The following PCDHA8 variants were observed in gnomAD, a reference collection of about 807,000 sequenced individuals.
The protein encoded by PCDHA8 is protocadherin alpha-8.
In PCDHA8, 53 loss-of-function variants were observed where a neutral mutation model predicts 61.8. That is an observed-to-expected ratio of 0.86 (90% CI 0.69 to 1.08). PCDHA8 has a LOEUF of 1.08. PCDHA8 is among the 50% of genes least tolerant of loss of function. PCDHA8 has a pLI of 0.00. For synonymous variants in PCDHA8, 618 were observed against 556.6 expected (o/e 1.11, Z -1.55); for missense variants, 1,293 against 1,245.0 (o/e 1.04, Z -0.58).
rs1351628380 is a variant in PCDHA8, at chr5:140,928,607, G to A, written c.2395-50342G>A. ...TCTGTCCCAGTGGAAATTGTGCCCC[G>A]CTCTGCCAGGACTGGACACTTGGTC... On this transcript the variant is annotated intron_variant, in intron 1 of 3. Coordinates refer to ENST00000531613, the MANE Select transcript of PCDHA8 (RefSeq NM_018911.3). 3.1e-6 allele frequency: 5 copies of A among 1,614,068 alleles called. No homozygotes were observed. In the South Asian group the frequency reaches 3.3e-5, roughly 11 times the overall value.
At chr5:140,912,865 A>G (rs1554195582) in intron 1 of PCDHA8, among the ~76,000 whole-genome samples, 1 of 152,138 alleles carries the variant, frequency 6.6e-6, no homozygotes, top group East Asian at 1.9e-4. Flanking sequence ...GAAATGATAT[A>G]TGGTTTTTGG....
At chr5:140,911,158 G>A (rs1274383238) in intron 1 of PCDHA8, among the ~76,000 whole-genome samples, 1 of 152,162 alleles carries the variant, frequency 6.6e-6, no homozygotes, top group African/African-American at 2.4e-5. Context: ...TCAGACAAAT[G>A]TGGAAAGGCT....
At chr5:140,943,332 A>G (rs2093478817) in intron 1 of PCDHA8, among the ~76,000 whole-genome samples, 1 of 151,830 alleles carries the variant, frequency 6.6e-6, no homozygotes, top group Non-Finnish European at 1.5e-5. Flanking sequence ...TGTAGTATCC[A>G]TTGGACAGGA....
intron 1 of PCDHA8, chr5:140,855,863 C>T (rs1435848910): frequency 2.6e-6 from 2 of 763,574 alleles, no homozygotes; most frequent in East Asian, 2.7e-5. Context: ...ATGTCGCTGT[C>T]GTCCACAAAA....
chr5:140,925,427 G>A (rs1394500937), intron 1 of PCDHA8, among the ~76,000 whole-genome samples: 2 of 152,012 alleles, frequency 1.3e-5, no homozygotes, highest in Non-Finnish European at 2.9e-5. Context: ...CTGGTTGTAG[G>A]GTGTTAGGCA....
chr5:140,913,447 C>T (rs1445715185), intron 1 of PCDHA8, among the ~76,000 whole-genome samples: 5 of 152,022 alleles, frequency 3.3e-5, no homozygotes, highest in African/African-American at 9.7e-5. Context: ...TTTTCAGCTC[C>T]GATTTTATTT....
chr5:140,946,766 G>A (rs1554217856), intron 1 of PCDHA8, among the ~76,000 whole-genome samples: 1 of 151,394 alleles, frequency 6.6e-6, no homozygotes, highest in South Asian at 2.1e-4. Flanking sequence ...TCTCATTCAT[G>A]TGGAATGTAA....
At chr5:140,993,462 T>TCACACACACACACACA (rs3836747) in intron 3 of PCDHA8, among the ~76,000 whole-genome samples, 10 of 140,938 alleles carry the variant, frequency 7.1e-5, no homozygotes, top group African/African-American at 2.4e-4. Flanking sequence ...TCTTTCTTTC[T>TCACACACACACACACA]CACACACACA....
rs1012749061 is a variant in PCDHA8 at position 141,011,525 on chromosome 5, C to T, written c.*1588C>T. Reference sequence around the variant, plus strand: ...AAAAGTGGAGTAGTGTTTTTTTAACCATTGTTAATCAGCTTTTGTGTATGA... The same window carrying T: ...AAAAGTGGAGTAGTGTTTTTTTAACTATTGTTAATCAGCTTTTGTGTATGA... On this transcript the variant is annotated 3_prime_UTR_variant, in exon 4 of 4. Coordinates refer to ENST00000531613, the MANE Select transcript of PCDHA8 (RefSeq NM_018911.3). 11 of 153,568 alleles carry T rather than the reference C, an allele frequency of 7.2e-5. No individual in the cohort carries two copies. The Admixed American group carries it at 7.2e-4, about 10-fold the overall frequency. 9.5% of individuals were successfully genotyped at this position (153,568 alleles called of 1,614,324 possible).
chr5:140,985,650 A>G (rs2097162504), intron 3 of PCDHA8, among the ~76,000 whole-genome samples: 2 of 151,684 alleles, frequency 1.3e-5, no homozygotes, highest in South Asian at 4.2e-4. Context: ...AACACTTGCA[A>G]TGGCTGAATA....
chr5:140,929,325 G>A (rs782073530), intron 1 of PCDHA8: 4 of 1,538,392 alleles, frequency 2.6e-6, no homozygotes, highest in Non-Finnish European at 3.5e-6. Flanking sequence ...TCAATGCCAT[G>A]GTAAGCAAAT....
intron 1 of PCDHA8, chr5:140,852,192 T>C: frequency 1.4e-6 from 1 of 716,718 alleles, no homozygotes; most frequent in Non-Finnish European, 1.8e-6. Context: ...AAAATGCCAG[T>C]AACGTTTATT....
At chr5:140,953,911 AG>A (rs1554221121) in intron 1 of PCDHA8, among the ~76,000 whole-genome samples, 1 of 152,120 alleles carries the variant, frequency 6.6e-6, no homozygotes, top group South Asian at 2.1e-4. Flanking sequence ...AGCATCCATT[AG>A]GTATTCTTCC....
At chr5:140,923,287 A>G (rs1554201330) in intron 1 of PCDHA8, among the ~76,000 whole-genome samples, 1 of 152,224 alleles carries the variant, frequency 6.6e-6, no homozygotes, top group Non-Finnish European at 1.5e-5. Context: ...AAAAATTAAA[A>G]ATTAGCTGGG....
At chr5:140,895,935 C>T (rs922054631) in intron 1 of PCDHA8, among the ~76,000 whole-genome samples, 20 of 152,028 alleles carry the variant, frequency 1.3e-4, no homozygotes, top group African/African-American at 4.1e-4. Flanking sequence ...CTCAGCCTCC[C>T]GAGTAGCTGG....
chr5:140,901,244 T>C (rs1166862455), intron 1 of PCDHA8, among the ~76,000 whole-genome samples: 3 of 152,212 alleles, frequency 2.0e-5, no homozygotes, highest in Non-Finnish European at 4.4e-5. Context: ...TTTTTTCCTT[T>C]GGTTCCCTGT....
intron 1 of PCDHA8, among the ~76,000 whole-genome samples, chr5:140,946,113 G>T (rs1241993026): frequency 6.6e-6 from 1 of 151,816 alleles, no homozygotes; most frequent in Non-Finnish European, 1.5e-5. Context: ...AAATATATAA[G>T]GAACTCAAAC....
chr5:141,009,482 C>A, intron 3 of PCDHA8, 145 bp from the exon 4 acceptor site: 1 of 1,446,086 alleles, frequency 6.9e-7, no homozygotes, highest in Non-Finnish European at 9.1e-7. Flanking sequence ...TAAACACTTG[C>A]CTTGCCCTCA....
At chr5:140,869,727 T>G in intron 1 of PCDHA8, 1 of 1,613,380 alleles carries the variant, frequency 6.2e-7, no homozygotes, top group Non-Finnish European at 8.5e-7. Flanking sequence ...CTCCGGAACT[T>G]AATTTGCTGC....
Sources: gnomAD v4.1 joint callset for allele counts (sites outside exome capture counted in the v4.1 genomes callset) on GRCh38, gnomAD v4.1.1 for gene constraint, MANE v1.5 for transcripts, NCBI Gene and HGNC (gene_info 2026-07-23, HGNC 2026-07-21) for gene names.